JAKMIP1: variants seen among roughly 807,000 people sequenced by gnomAD.
The protein encoded by JAKMIP1 is janus kinase and microtubule-interacting protein 1.
In JAKMIP1, 33 loss-of-function variants were observed where a neutral mutation model predicts 113.0. The observed-to-expected ratio is 0.29, with a 90% CI of 0.22 to 0.39. The LOEUF (loss-of-function observed/expected upper bound fraction) is 0.39, where lower values mean the gene tolerates loss of function less well. JAKMIP1 is among the 10% of genes least tolerant of loss of function. JAKMIP1 has a pLI of 1.00. For missense variants in JAKMIP1, 813 were observed against 1,080.5 expected, an observed-to-expected ratio of 0.75 and a Z score of 3.47; for synonymous variants, 480 against 459.9, an observed-to-expected ratio of 1.04 and a Z score of -0.56.
rs1717779270 is a variant in JAKMIP1, at chr4:6,064,585, A to G, written c.1431+295T>C. Among the ~76,000 whole-genome samples the G allele has an allele frequency of 6.6e-6, 1 of 152,162 alleles. No homozygotes were observed. Among genetic ancestry groups the G allele is most frequent in the Admixed American group, 6.5e-5 (1 of 15,284 alleles). On this transcript the variant is annotated intron_variant, in intron 9 of 20. Coordinates refer to ENST00000409021, the MANE Select transcript of JAKMIP1 (RefSeq NM_001099433.2). This position sits in a 1 kb window ranked among gnomAD's most constrained non-coding sequence, Gnocchi z 4.3. Reference sequence around the variant, plus strand: ...AAATGGTGAGGAAACCCAAGGCAACATCCCTCAATGACTCAGCTTGAACTT... The same window carrying G: ...AAATGGTGAGGAAACCCAAGGCAACGTCCCTCAATGACTCAGCTTGAACTT...
In JAKMIP1 at chr4:6,153,540, T is replaced by G. The variant is rs1721866152; in HGVS notation, c.-147-40543A>C. Among the ~76,000 whole-genome samples, 2 of 152,220 alleles carry G rather than the reference T, an allele frequency of 1.3e-5. No homozygotes were observed. The highest frequency in any genetic ancestry group is 2.9e-5 in the Non-Finnish European group (2 of 68,040). On this transcript the variant is annotated intron_variant, in intron 1 of 20. Coordinates refer to ENST00000409021, the MANE Select transcript of JAKMIP1 (RefSeq NM_001099433.2). The surrounding 1 kb of genome is among the most constrained non-coding windows in gnomAD (Gnocchi z 4.9). ...TGCATGGTTCTTCTTTTCTTAAAATTAGCTTTCCGGAGGTGTAATTTGCGC... is the reference window on the plus strand; with the variant it reads ...TGCATGGTTCTTCTTTTCTTAAAATGAGCTTTCCGGAGGTGTAATTTGCGC...
intron 3 of JAKMIP1, among the ~76,000 whole-genome samples, chr4:6,090,221 CA>C (rs200374116): frequency 3.4e-4 from 48 of 139,280 alleles, no homozygotes; most frequent in Admixed American, 2.9e-4. Flanking sequence ...GAGTCCATTT[CA>C]AAAAAAAAAA....
At chr4:6,171,359 C>T (rs1724677412) in intron 1 of JAKMIP1, among the ~76,000 whole-genome samples, 1 of 150,884 alleles carries the variant, frequency 6.6e-6, no homozygotes, top group Non-Finnish European at 1.5e-5. Context: ...CTCACCTCCA[C>T]TACCACCCTC....
Position 6,181,301 on chromosome 4 carries a change from G to A in JAKMIP1, c.-148+18952C>T, listed in dbSNP as rs1725989629. ...CAGAAAGGGTGGAGGGGAGGGTCAT[G>A]CTGAGAGAGGAAGAGACCAGGGGCT... On this transcript the variant is annotated intron_variant, in intron 1 of 20. Transcript: ENST00000409021. This position sits in a 1 kb window ranked among gnomAD's most constrained non-coding sequence, Gnocchi z 5.4. Among the ~76,000 whole-genome samples, 1 of 152,202 alleles carries A rather than the reference G, an allele frequency of 6.6e-6. No homozygotes were observed. The highest frequency in any genetic ancestry group is 6.5e-5 in the Admixed American group (1 of 15,282).
Position 6,050,469 on chromosome 4 carries a change from G to A in JAKMIP1, c.1908+109C>T, listed in dbSNP as rs920824856. On this transcript the variant is annotated intron_variant, in intron 14 of 20. Transcript: ENST00000409021. This position sits in a 1 kb window ranked among gnomAD's most constrained non-coding sequence, Gnocchi z 7.4. ...CAAACTGTGACTTTCAACACAAGGG[G>A]TATCTCATGAAAATCAATTCTATCC... The A allele has an allele frequency of 3.8e-5, 27 of 716,268 alleles. No individual in the cohort carries two copies. Among genetic ancestry groups the A allele is most frequent in the Non-Finnish European group, 6.2e-5 (26 of 419,520 alleles). The allele number at this position is 716,268 out of a possible 1,614,324, so 44.4% of individuals were successfully genotyped here.
chr4:6,114,039 A>G (rs1270817330), intron 1 of JAKMIP1, among the ~76,000 whole-genome samples: 1 of 152,238 alleles, frequency 6.6e-6, no homozygotes, highest in East Asian at 1.9e-4. Flanking sequence ...ACACCTGGTG[A>G]GAGAGGATTT....
chr4:6,090,879 C>T (rs1650972935), intron 3 of JAKMIP1, among the ~76,000 whole-genome samples: 1 of 151,876 alleles, frequency 6.6e-6, no homozygotes, highest in African/African-American at 2.4e-5. Flanking sequence ...GTGTCAAAAC[C>T]CCACGTTGAC....
intron 1 of JAKMIP1, among the ~76,000 whole-genome samples, chr4:6,134,006 C>A (rs1348432644): frequency 1.3e-5 from 2 of 152,196 alleles, no homozygotes; most frequent in Non-Finnish European, 2.9e-5. Flanking sequence ...TATGGTTAGG[C>A]TTTGTGTGCC....
intron 16 of JAKMIP1, among the ~76,000 whole-genome samples, chr4:6,047,163 C>T (rs1188013104): frequency 1.3e-5 from 2 of 152,250 alleles, no homozygotes; most frequent in Non-Finnish European, 2.9e-5. Context: ...GAAACCCCTG[C>T]AGCTGGCACG....
chr4:6,126,497 G>T (rs1003381857), intron 1 of JAKMIP1, among the ~76,000 whole-genome samples: 8 of 115,544 alleles, frequency 6.9e-5, no homozygotes, highest in Non-Finnish European at 1.0e-4. Context: ...ACACAAACAC[G>T]CATCATACAG....
At chr4:6,120,702 G>T (rs1004857973) in intron 1 of JAKMIP1, among the ~76,000 whole-genome samples, 1 of 152,216 alleles carries the variant, frequency 6.6e-6, no homozygotes, top group African/African-American at 2.4e-5. Flanking sequence ...TGAAAGAGAT[G>T]ATACTGGGTT....
At chr4:6,170,422 C>T (rs62644664) in intron 1 of JAKMIP1, among the ~76,000 whole-genome samples, 128 of 1,454 alleles carry the variant, frequency 0.088, no homozygotes, top group South Asian at 0.22. Context: ...CCACCACGAC[C>T]ATCACCATAG....
At position 6,187,220 on chromosome 4, in the gene JAKMIP1, ACTT is replaced by A. The variant is rs1447945107; in HGVS notation, c.-148+13030_-148+13032del. ...TTGTTATATATTTCTGATGTATTGA[ACTT>A]CTTGTCATTATAAAATGTTACTTTT... On this transcript the variant is annotated intron_variant, in intron 1 of 20. Coordinates refer to ENST00000409021, the MANE Select transcript of JAKMIP1 (RefSeq NM_001099433.2). The surrounding 1 kb of genome is among the most constrained non-coding windows in gnomAD (Gnocchi z 4.2). Among the ~76,000 whole-genome samples, 2 of 152,086 alleles carry A rather than the reference ACTT, an allele frequency of 1.3e-5. No homozygotes were observed. The highest frequency in any genetic ancestry group is 4.8e-5 in the African/African-American group (2 of 41,416).
rs1178880036 is a variant in JAKMIP1 at position 6,180,597 on chromosome 4, G to A, written c.-148+19656C>T. Among the ~76,000 whole-genome samples, 1 of 152,172 alleles carries A rather than the reference G, an allele frequency of 6.6e-6. No individual in the cohort carries two copies. Among genetic ancestry groups the A allele is most frequent in the Non-Finnish European group, 1.5e-5 (1 of 68,036 alleles). On this transcript the variant is annotated intron_variant, in intron 1 of 20. Transcript: ENST00000409021. This position sits in a 1 kb window ranked among gnomAD's most constrained non-coding sequence, Gnocchi z 4.5. ...TAGCTCTCACTGTGTAGCAGGAACT[G>A]TTTCAAACTGTCCAAATTACCTAGT...
chr4:6,062,569 C>A, intron 9 of JAKMIP1, 129 bp from the exon 10 acceptor site: 9 of 962,418 alleles, frequency 9.4e-6, no homozygotes, highest in Middle Eastern at 3.3e-4. Flanking sequence ...TCAACTTAGA[C>A]ATCAAACGAC....
At chr4:6,045,352 G>A (rs1328453180) in intron 16 of JAKMIP1, among the ~76,000 whole-genome samples, 1 of 152,316 alleles carries the variant, frequency 6.6e-6, no homozygotes, top group South Asian at 2.1e-4. Flanking sequence ...TGTGGGGCAC[G>A]TGCCATGTGC....
intron 12 of JAKMIP1, among the ~76,000 whole-genome samples, chr4:6,056,307 T>A (rs1716451433): frequency 1.5e-5 from 2 of 134,398 alleles, no homozygotes; most frequent in Admixed American, 7.4e-5. Context: ...GTCCCAGAGG[T>A]TGGGGCAGCC....
In JAKMIP1 at chr4:6,094,500, C is replaced by T. The variant is rs1315012056; in HGVS notation, c.625-8871G>A. On this transcript the variant is annotated intron_variant, in intron 3 of 20. Transcript: ENST00000409021. The surrounding 1 kb of genome is among the most constrained non-coding windows in gnomAD (Gnocchi z 4.2). ...AAACAAACCTACCAACCTCCGGGGC[C>T]CCTGGGGTCTCAGGAACTGCGGGCA... Among the ~76,000 whole-genome samples, 1 of 152,146 alleles carries T rather than the reference C, an allele frequency of 6.6e-6. No homozygotes were observed. The highest frequency in any genetic ancestry group is 2.4e-5 in the African/African-American group (1 of 41,432).
chr4:6,131,173 A>AAAG (rs71173409), intron 1 of JAKMIP1, among the ~76,000 whole-genome samples: 1 of 95,490 alleles, frequency 1.0e-5, no homozygotes, highest in African/African-American at 3.8e-5. Context: ...AAAAAAAAAA[A>AAAG]AATATCCCAG....
Sources: allele counts gnomAD v4.1 joint callset (sites outside exome capture counted in the v4.1 genomes callset), GRCh38; gene constraint gnomAD v4.1.1; non-coding constraint Gnocchi (gnomAD v3.1); transcripts MANE v1.5; gene names NCBI Gene and HGNC (gene_info 2026-07-23, HGNC 2026-07-21).